The following ZEB2 variants were observed in gnomAD, a reference collection of about 807,000 sequenced individuals.
ZEB2 encodes zinc finger E-box-binding homeobox 2.
ZEB2 carries 6 observed loss-of-function variants against 99.9 expected under a neutral mutation model. The observed-to-expected ratio is 0.06, with a 90% confidence interval of 0.03 to 0.12. The LOEUF (loss-of-function observed/expected upper bound fraction) is 0.12. Among genes scored for constraint, ZEB2 ranks in the 10% least tolerant of loss-of-function variants. The pLI is 1.00. For synonymous variants in ZEB2, 517 were observed against 542.5 expected, an observed-to-expected ratio of 0.95 and a Z score of 0.65; for missense variants, 969 against 1,502.8, an observed-to-expected ratio of 0.64 and a Z score of 5.87.
rs201944188 is a variant in ZEB2 at position 144,440,515 on chromosome 2, A to ATT, written c.74-10491_74-10490dup. Among the ~76,000 whole-genome samples, 40 of 32,828 alleles carry ATT rather than the reference A, an allele frequency of 1.2e-3. 1 individual carries two copies. The highest frequency in any genetic ancestry group is 2.9e-3 in the African/African-American group (37 of 12,668). The allele number at this position is 32,828 out of a possible 152,430, so 21.5% of individuals were successfully genotyped here. A position where few individuals can be genotyped will look rare whatever the true frequency, so the allele number is the denominator to read the frequency against. ...TATATATATATATATATATATATAT[A>ATT]TTTTTTTTTTTTTTTTTTTTTTTTT... On this transcript the variant is annotated intron_variant, in intron 2 of 9. Coordinates refer to ENST00000627532, the MANE Select transcript of ZEB2 (RefSeq NM_014795.4).
chr2:144,519,324 CTTCACACACA>C (rs1705227697), intron 1 of ZEB2: 1 of 151,896 alleles, frequency 6.6e-6, no homozygotes, highest in Admixed American at 6.6e-5. Context: ...TGAGGTGTTA[CTTCACACACA>C]TACACACACA....
At position 144,387,182 on chromosome 2, in the gene ZEB2, T is replaced by A. The variant is rs1412944779; in HGVS notation, c.*2269A>T. 2 of 151,944 alleles carry A rather than the reference T, an allele frequency of 1.3e-5. No homozygotes were observed. Among genetic ancestry groups the A allele is most frequent in the Non-Finnish European group, 2.9e-5 (2 of 67,964 alleles). The allele number at this position is 151,944 out of a possible 1,614,324, so 9.4% of individuals were successfully genotyped here. ...ATATAAATATGTTGTTCTTGCCAAC[T>A]GGAAATATCATACTCAAAATTTTAG... On this transcript the variant is annotated 3_prime_UTR_variant, in exon 10 of 10. Transcript: ENST00000627532.
At chr2:144,451,803 A>C (rs1704058023) in intron 2 of ZEB2, among the ~76,000 whole-genome samples, 1 of 152,038 alleles carries the variant, frequency 6.6e-6, no homozygotes, top group South Asian at 2.1e-4. Context: ...GAAACTTTTA[A>C]CTCTTGGGTT....
intron 4 of ZEB2, among the ~76,000 whole-genome samples, chr2:144,420,140 C>T (rs920616476): frequency 9.2e-5 from 14 of 152,200 alleles, no homozygotes; most frequent in Non-Finnish European, 2.9e-5. Flanking sequence ...CATGTGTGCT[C>T]CCTGCTATAA....
intron 2 of ZEB2, among the ~76,000 whole-genome samples, chr2:144,488,019 C>T (rs561042116): frequency 6.6e-6 from 1 of 152,290 alleles, no homozygotes; most frequent in African/African-American, 2.4e-5. Context: ...GAGCTGCTGT[C>T]TCCATGAACG....
chr2:144,437,290 T>A (rs1703851495), intron 2 of ZEB2, among the ~76,000 whole-genome samples: 1 of 152,096 alleles, frequency 6.6e-6, no homozygotes, highest in Non-Finnish European at 1.5e-5. Context: ...CATGATGGCA[T>A]GCTGAGGGAA....
chr2:144,513,578 G>C, intron 2 of ZEB2: 1 of 1,528,750 alleles, frequency 6.5e-7, no homozygotes, highest in Non-Finnish European at 8.7e-7. Flanking sequence ...GCATGTCTCT[G>C]TGAGATTTTT....
In ZEB2 at chr2:144,403,925, C is replaced by G. The variant is rs34961586; in HGVS notation, c.798G>C (p.Gly266=). The G allele has an allele frequency of 1.4e-3, 2,241 of 1,614,022 alleles. 4 individuals carry two copies. Among genetic ancestry groups the G allele is most frequent in the Non-Finnish European group, 1.8e-3 (2,091 of 1,180,038 alleles). ...LERHMVTHKP[G]TDQHQMLTQG... The stretch of plus-strand genomic sequence containing the variant: ...AAAACCATCCCCCCACCTGATCTGT[C>G]CCTGGCTTGTGTGTCACCATATGCC... Residue 266 remains glycine (G), a synonymous_variant, in exon 6 of 10, where the codon GGG becomes GGC. Coordinates refer to ENST00000627532, the MANE Select transcript of ZEB2 (RefSeq NM_014795.4).
At chr2:144,397,967 G>A (rs766557012) in intron 8 of ZEB2, 2 of 358,682 alleles carry the variant, frequency 5.6e-6, no homozygotes, top group Non-Finnish European at 5.4e-6. Context: ...AGCACGTGAC[G>A]GTTATAAACT....
At chr2:144,444,113 C>T (rs1457606360) in intron 2 of ZEB2, among the ~76,000 whole-genome samples, 3 of 152,208 alleles carry the variant, frequency 2.0e-5, no homozygotes, top group Non-Finnish European at 2.9e-5. Flanking sequence ...TGCACTCTAA[C>T]ATTCTGACTG....
chr2:144,408,761 C>T (rs1221662622), intron 4 of ZEB2, among the ~76,000 whole-genome samples: 1 of 152,204 alleles, frequency 6.6e-6, no homozygotes, highest in Non-Finnish European at 1.5e-5. Flanking sequence ...GCTGTGTTAC[C>T]ATGTGATCCT....
intron 4 of ZEB2, among the ~76,000 whole-genome samples, chr2:144,412,641 C>T (rs1418473499): frequency 1.3e-5 from 2 of 152,226 alleles, no homozygotes; most frequent in African/African-American, 4.8e-5. Context: ...AAGAACTCTA[C>T]AAATTCAATC....
chr2:144,415,954 T>C (rs867275968), intron 4 of ZEB2, among the ~76,000 whole-genome samples: 2 of 152,220 alleles, frequency 1.3e-5, no homozygotes, highest in African/African-American at 2.4e-5. Context: ...CAGGATGCCA[T>C]TGCATTCTGG....
intron 2 of ZEB2, among the ~76,000 whole-genome samples, chr2:144,501,046 C>G (rs2149925251): frequency 6.6e-6 from 1 of 150,878 alleles, no homozygotes; most frequent in African/African-American, 2.4e-5. Context: ...TGAAGCAGAG[C>G]CTGTTCCTCA....
chr2:144,479,683 TGGGG>T (rs75706490), intron 2 of ZEB2, among the ~76,000 whole-genome samples: 6 of 52,552 alleles, frequency 1.1e-4, no homozygotes, highest in African/African-American at 3.6e-4. Context: ...TACTTTTTTT[TGGGG>T]GGGGGGGCGG....
intron 2 of ZEB2, among the ~76,000 whole-genome samples, chr2:144,471,970 A>C (rs1177065836): frequency 6.6e-6 from 1 of 152,092 alleles, no homozygotes; most frequent in East Asian, 1.9e-4. Flanking sequence ...TTATCTCCTG[A>C]TGTGAGATCT....
chr2:144,429,685 T>C, intron 3 of ZEB2, 84 bp downstream of exon 3: 2 of 1,601,940 alleles, frequency 1.2e-6, no homozygotes, highest in Non-Finnish European at 1.7e-6. Flanking sequence ...AATTATTTGG[T>C]TGTGGGCGAT....
At chr2:144,411,698 C>G (rs1274226834) in intron 4 of ZEB2, among the ~76,000 whole-genome samples, 1 of 152,162 alleles carries the variant, frequency 6.6e-6, no homozygotes, top group East Asian at 1.9e-4. Flanking sequence ...GCATCTTGGC[C>G]GCTCTCTCCA....
intron 9 of ZEB2, 97 bp from the exon 10 acceptor site, chr2:144,390,125 G>T: frequency 8.1e-7 from 1 of 1,228,108 alleles, no homozygotes. Context: ...GCATAAGCGT[G>T]TGTACTTATG....
Sources: gnomAD v4.1 joint callset for allele counts (sites outside exome capture counted in the v4.1 genomes callset) on GRCh38, gnomAD v4.1.1 for gene constraint, MANE v1.5 for transcripts, NCBI Gene and HGNC (gene_info 2026-07-23, HGNC 2026-07-21) for gene names.